Variants in ZNF277 observed in about 807,000 individuals in gnomAD.
ZNF277 encodes the protein nuclear receptor-interacting factor 4.
Under a neutral mutation model 60.7 loss-of-function variants are expected in ZNF277, and 55 were observed. That is an observed-to-expected ratio of 0.91 (90% confidence interval 0.73 to 1.13). The LOEUF (loss-of-function observed/expected upper bound fraction) is 1.13, where lower values mean the gene tolerates loss of function less well. Among genes scored for constraint, ZNF277 ranks in the 50% most tolerant of loss-of-function variants. ZNF277 has a pLI of 0.00. For missense variants in ZNF277, 510 were observed against 523.0 expected, an observed-to-expected ratio of 0.98 and a Z score of 0.24; for synonymous variants, 178 against 179.3, an observed-to-expected ratio of 0.99 and a Z score of 0.06.
chr7:112,225,263 A>G (rs1822145876), intron 1 of ZNF277, among the ~76,000 whole-genome samples: 1 of 152,212 alleles, frequency 6.6e-6, no homozygotes, highest in Non-Finnish European at 1.5e-5. Context: ...CATGCTGATT[A>G]GTGGTATTGG....
chr7:112,247,130 A>G (rs907460949), intron 1 of ZNF277, among the ~76,000 whole-genome samples: 2 of 152,188 alleles, frequency 1.3e-5, no homozygotes, highest in African/African-American at 4.8e-5. Context: ...CTGACAAACA[A>G]CTTTGTATCA....
intron 1 of ZNF277, among the ~76,000 whole-genome samples, chr7:112,264,774 AAGTT>A (rs1170335411): frequency 5.3e-5 from 8 of 152,182 alleles, no homozygotes; most frequent in Non-Finnish European, 1.0e-4. Flanking sequence ...GTACATGTAA[AAGTT>A]ATATTTACAC....
chr7:112,249,961 A>G (rs1791166050), intron 1 of ZNF277, among the ~76,000 whole-genome samples: 1 of 152,204 alleles, frequency 6.6e-6, no homozygotes, highest in Non-Finnish European at 1.5e-5. Context: ...TAAAAAAAGA[A>G]CAGGATAACA....
At chr7:112,317,152 G>A (rs1792863794) in intron 4 of ZNF277, among the ~76,000 whole-genome samples, 1 of 151,990 alleles carries the variant, frequency 6.6e-6, no homozygotes, top group Non-Finnish European at 1.5e-5. Context: ...GCCTATCAGG[G>A]GTTGAGGGGC....
At position 112,342,856 on chromosome 7, in the gene ZNF277, C is replaced by G; in HGVS notation, c.*127C>G. 1 of 739,822 alleles carries G rather than the reference C, an allele frequency of 1.4e-6. No homozygotes were observed. The highest frequency in any genetic ancestry group is 1.9e-6 in the Non-Finnish European group (1 of 529,964). 45.8% of individuals were successfully genotyped at this position (739,822 alleles called of 1,614,324 possible). A position where few individuals can be genotyped will look rare whatever the true frequency, so the allele number is the denominator to read the frequency against. On this transcript the variant is annotated 3_prime_UTR_variant, in exon 12 of 12. Transcript: ENST00000361822. ...AAAGATTGGTCCTTGGTGAAATAAACTTTTCAAAAATGAATGTTCTTTTCA... is the reference window on the plus strand; with the variant it reads ...AAAGATTGGTCCTTGGTGAAATAAAGTTTTCAAAAATGAATGTTCTTTTCA...
intron 4 of ZNF277, among the ~76,000 whole-genome samples, chr7:112,305,018 G>A (rs1340507210): frequency 6.6e-6 from 1 of 152,110 alleles, no homozygotes; most frequent in Non-Finnish European, 1.5e-5. Context: ...GGCTATGTCT[G>A]TGTTCCTCAA....
intron 1 of ZNF277, among the ~76,000 whole-genome samples, chr7:112,225,010 A>G (rs1822139965): frequency 6.6e-6 from 1 of 152,192 alleles, no homozygotes; most frequent in Non-Finnish European, 1.5e-5. Context: ...ACAAATATAG[A>G]GGAAGATGGA....
intron 4 of ZNF277, among the ~76,000 whole-genome samples, chr7:112,301,706 C>T (rs1056923025): frequency 2.6e-5 from 4 of 152,160 alleles, no homozygotes; most frequent in Non-Finnish European, 4.4e-5. Flanking sequence ...ATGACCTCTT[C>T]TAAGTTCTAT....
At chr7:112,291,166 A>G (rs1792198561) in intron 2 of ZNF277, among the ~76,000 whole-genome samples, 1 of 152,154 alleles carries the variant, frequency 6.6e-6, no homozygotes, top group African/African-American at 2.4e-5. Flanking sequence ...TGCTAGCTTT[A>G]TTCAGTAGAT....
chr7:112,293,579 CAAA>C (rs35455828), intron 2 of ZNF277, among the ~76,000 whole-genome samples: 4 of 114,984 alleles, frequency 3.5e-5, no homozygotes, highest in Non-Finnish European at 3.8e-5. Context: ...GATCTTATCT[CAAA>C]AAAAAAAAAA....
At chr7:112,278,895 C>G in intron 1 of ZNF277, among the ~76,000 whole-genome samples, 1 of 152,078 alleles carries the variant, frequency 6.6e-6, no homozygotes, top group East Asian at 1.9e-4. Context: ...AACAGTAATT[C>G]CCCTTTTCCC....
chr7:112,336,027 A>G (rs1399703869), intron 7 of ZNF277, 77 bp from the exon 8 acceptor site: 15 of 1,320,436 alleles, frequency 1.1e-5, no homozygotes, highest in Admixed American at 2.3e-5. Flanking sequence ...TTTGGTTTTG[A>G]TTTTTTTCAA....
chr7:112,304,367 C>T (rs1584394777), intron 4 of ZNF277, among the ~76,000 whole-genome samples: 1 of 152,122 alleles, frequency 6.6e-6, no homozygotes, highest in Non-Finnish European at 1.5e-5. Flanking sequence ...ATTCCCAATG[C>T]TGTTCAGTGA....
chr7:112,257,116 G>A (rs1442901591), intron 1 of ZNF277, among the ~76,000 whole-genome samples: 2 of 152,190 alleles, frequency 1.3e-5, no homozygotes, highest in African/African-American at 2.4e-5. Flanking sequence ...TACAAACATT[G>A]TGTATTGATG....
At chr7:112,258,698 G>A (rs1791378147) in intron 1 of ZNF277, among the ~76,000 whole-genome samples, 2 of 152,040 alleles carry the variant, frequency 1.3e-5, no homozygotes, top group African/African-American at 4.8e-5. Context: ...AGATGGGCAA[G>A]CCTGCAAATA....
chr7:112,248,818 T>C (rs1425819170), intron 1 of ZNF277, among the ~76,000 whole-genome samples: 1 of 152,158 alleles, frequency 6.6e-6, no homozygotes, highest in Non-Finnish European at 1.5e-5. Flanking sequence ...TTGGTGACTA[T>C]TTAATGTTCC....
rs369529534 is a variant in ZNF277 at position 112,342,282 on chromosome 7, G to T, written c.1185-279G>T. Among the ~76,000 whole-genome samples, 3 of 152,104 alleles carry T rather than the reference G, an allele frequency of 2.0e-5. No individual in the cohort carries two copies. In the East Asian group the frequency reaches 5.8e-4, roughly 29 times the overall value. On this transcript the variant is annotated intron_variant, in intron 11 of 11. Coordinates refer to ENST00000361822, the MANE Select transcript of ZNF277 (RefSeq NM_021994.3). ...TATCATGATAGATGATCAAGCAGAG[G>T]CTAAGTGGCCAGCGGACAACTCCAG...
chr7:112,220,441 G>C (rs779323472), intron 1 of ZNF277, among the ~76,000 whole-genome samples: 1 of 152,016 alleles, frequency 6.6e-6, no homozygotes, highest in African/African-American at 2.4e-5. Flanking sequence ...AGAGTCTTTA[G>C]GGTTTTCTGT....
intron 4 of ZNF277, among the ~76,000 whole-genome samples, chr7:112,310,478 A>AGAGAGAGAGAGTGT (rs762824873): frequency 1.4e-4 from 17 of 125,512 alleles, no homozygotes; most frequent in African/African-American, 6.2e-4. Flanking sequence ...AGAGAGAGAG[A>AGAGAGAGAGAGTGT]GTGTGTGTGT....
Sources: allele counts gnomAD v4.1 joint callset (sites outside exome capture counted in the v4.1 genomes callset), GRCh38; gene constraint gnomAD v4.1.1; transcripts MANE v1.5; gene names NCBI Gene and HGNC (gene_info 2026-07-23, HGNC 2026-07-21).